Variants in DNAAF11 observed in about 807,000 individuals in gnomAD.
DNAAF11 encodes the protein leucine rich repeat containing 6.
A neutral mutation model predicts 60.8 loss-of-function variants in DNAAF11; 45 were observed. The observed-to-expected ratio is 0.74, with a 90% confidence interval of 0.58 to 0.95. DNAAF11 has a LOEUF of 0.95. Ranked by LOEUF, DNAAF11 falls within the 40% of genes least tolerant of loss-of-function variation. The pLI is 0.00. For missense variants in DNAAF11, 546 were observed against 546.2 expected, an observed-to-expected ratio of 1.00 and a Z score of 0.00; for synonymous variants, 191 against 183.5, an observed-to-expected ratio of 1.04 and a Z score of -0.33.
At chr8:132,607,750 T>C (rs1025486257) in intron 10 of DNAAF11, among the ~76,000 whole-genome samples, 2 of 152,186 alleles carry the variant, frequency 1.3e-5, no homozygotes, top group Non-Finnish European at 1.5e-5. Context: ...TGCAGGTTCA[T>C]TCATGTTGTG....
At chr8:132,626,644 T>C (rs889784029) in intron 5 of DNAAF11, among the ~76,000 whole-genome samples, 12 of 152,222 alleles carry the variant, frequency 7.9e-5, no homozygotes, top group African/African-American at 2.4e-4. Context: ...GATTCTATTC[T>C]TGTGGCAAGA....
At chr8:132,702,430 A>G in the DNAAF11 span, among the ~76,000 whole-genome samples, 2 of 152,266 alleles carry the variant, frequency 1.3e-5, no homozygotes, top group South Asian at 4.1e-4. Context: ...TGGAAGAAGT[A>G]TTTATTCAGC....
In DNAAF11 at chr8:132,586,006, C is replaced by T. The variant is rs138062739; in HGVS notation, c.1141-2227G>A. On this transcript the variant is annotated intron_variant, in intron 10 of 11. Transcript: ENST00000620350. Reference sequence around the variant, plus strand: ...AGGGAATGAAAACACTTTTCAGTTGCTATTGATTCCAGTTATAGTTAACCA... The same window carrying T: ...AGGGAATGAAAACACTTTTCAGTTGTTATTGATTCCAGTTATAGTTAACCA... 2.1e-3 allele frequency among the ~76,000 whole-genome samples: 313 copies of T among 152,254 alleles called. 1 individual carries two copies. Among genetic ancestry groups the T allele is most frequent in the African/African-American group, 6.9e-3 (288 of 41,528 alleles).
At chr8:132,597,484 C>A (rs1156774209) in intron 10 of DNAAF11, among the ~76,000 whole-genome samples, 2 of 152,170 alleles carry the variant, frequency 1.3e-5, no homozygotes, top group East Asian at 3.9e-4. Context: ...GCCTGACCTT[C>A]ATCTGGTATC....
chr8:132,615,020 C>T lies in DNAAF11; in HGVS notation c.974+18G>A, dbSNP rs185791758. ...CAGACAGAAATGTCATAAATAAATA[C>T]GTAGAAAATGTCTTTACCTATAGAC... On this transcript the variant is annotated intron_variant, in intron 8 of 11. Coordinates refer to ENST00000620350, the MANE Select transcript of DNAAF11 (RefSeq NM_012472.6). The T allele has an allele frequency of 2.1e-3, 3,238 of 1,508,342 alleles. 11 individuals are homozygous for T. Among genetic ancestry groups the T allele is most frequent in the Non-Finnish European group, 1.6e-3 (1,785 of 1,097,008 alleles). The allele number at this position is 1,508,342 out of a possible 1,614,324, so 93.4% of individuals were successfully genotyped here.
chr8:132,609,146 T>C (rs1818403740), intron 10 of DNAAF11, among the ~76,000 whole-genome samples: 1 of 152,136 alleles, frequency 6.6e-6, no homozygotes, highest in African/African-American at 2.4e-5. Flanking sequence ...CCAATCAAAA[T>C]ACGTCTGTGG....
intron 6 of DNAAF11, 74 bp downstream of exon 6, chr8:132,625,198 C>T (rs1196186928): frequency 2.5e-6 from 3 of 1,182,640 alleles, no homozygotes; most frequent in African/African-American, 3.1e-5. Context: ...AATAATGGGT[C>T]AAAAAATGGG....
the DNAAF11 span, among the ~76,000 whole-genome samples, chr8:132,692,630 G>C: frequency 1.3e-5 from 2 of 152,174 alleles, no homozygotes; most frequent in African/African-American, 4.8e-5. Context: ...CCAAAATCCA[G>C]CTCTGACCCA....
chr8:132,626,952 A>G (rs1820341894), intron 5 of DNAAF11, among the ~76,000 whole-genome samples: 3 of 152,370 alleles, frequency 2.0e-5, no homozygotes, highest in South Asian at 4.1e-4. Flanking sequence ...AAAGGGATGA[A>G]CTGAAAATAC....
intron 3 of DNAAF11, among the ~76,000 whole-genome samples, chr8:132,653,750 C>T (rs934904833): frequency 4.0e-5 from 6 of 151,872 alleles, no homozygotes; most frequent in African/African-American, 9.7e-5. Flanking sequence ...CCAGGGAAAC[C>T]ACTAAGAAAA....
At chr8:132,675,328 C>T in intron 1 of DNAAF11, 156 bp downstream of exon 1, 3 of 713,224 alleles carry the variant, frequency 4.2e-6, no homozygotes, top group East Asian at 3.0e-5. Flanking sequence ...CTGGTGCAGC[C>T]GGGGCTGCGG....
intron 11 of DNAAF11, among the ~76,000 whole-genome samples, chr8:132,583,176 G>C (rs1055925857): frequency 6.6e-6 from 1 of 152,114 alleles, no homozygotes; most frequent in Non-Finnish European, 1.5e-5. Context: ...ATTGACAGGA[G>C]GGGCCCTAGT....
chr8:132,699,762 A>G, the DNAAF11 span, among the ~76,000 whole-genome samples: 2 of 152,198 alleles, frequency 1.3e-5, no homozygotes, highest in African/African-American at 4.8e-5. Flanking sequence ...TTATTCAGCC[A>G]TGGAAAGGAA....
At chr8:132,618,964 C>T (rs1819476186) in intron 7 of DNAAF11, among the ~76,000 whole-genome samples, 2 of 152,126 alleles carry the variant, frequency 1.3e-5, no homozygotes, top group African/African-American at 4.8e-5. Context: ...ACCCAAAGGA[C>T]TATAAATCAT....
At chr8:132,591,251 CTT>C (rs887510996) in intron 10 of DNAAF11, among the ~76,000 whole-genome samples, 6 of 151,242 alleles carry the variant, frequency 4.0e-5, no homozygotes, top group African/African-American at 1.5e-4. Context: ...AACTAAAAAA[CTT>C]TTTTTTTAAA....
chr8:132,654,125 A>T (rs1823299366), intron 3 of DNAAF11, among the ~76,000 whole-genome samples: 1 of 152,124 alleles, frequency 6.6e-6, no homozygotes, highest in African/African-American at 2.4e-5. Flanking sequence ...TGGAGTGACT[A>T]TATTAATACC....
the DNAAF11 span, among the ~76,000 whole-genome samples, chr8:132,689,304 T>C: frequency 1.3e-5 from 2 of 152,180 alleles, no homozygotes; most frequent in Non-Finnish European, 2.9e-5. Context: ...CTGCCCTTAT[T>C]TGTACTTGAA....
At chr8:132,664,702 C>T (rs1197628393) in intron 1 of DNAAF11, among the ~76,000 whole-genome samples, 1 of 150,684 alleles carries the variant, frequency 6.6e-6, no homozygotes, top group Admixed American at 6.6e-5. Flanking sequence ...TGGACTCAAG[C>T]GATCCACCCA....
chr8:132,661,380 C>T, intron 2 of DNAAF11, 80 bp downstream of exon 2: 1 of 1,186,706 alleles, frequency 8.4e-7, no homozygotes, highest in South Asian at 1.6e-5. Flanking sequence ...TGATTGTCTT[C>T]TAAAAATAAC....
Sources: allele counts gnomAD v4.1 joint callset (sites outside exome capture counted in the v4.1 genomes callset), GRCh38; gene constraint gnomAD v4.1.1; transcripts MANE v1.5; gene names NCBI Gene and HGNC (gene_info 2026-07-23, HGNC 2026-07-21).